Variants in CROCC observed in about 807,000 individuals in gnomAD.
CROCC encodes rootletin.
A neutral mutation model predicts 245.2 loss-of-function variants in CROCC; 180 were observed. The ratio of observed to expected loss-of-function variants is 0.73; its 90% CI spans 0.65 to 0.83. CROCC has a LOEUF of 0.83. Among genes scored for constraint, CROCC ranks in the 40% least tolerant of loss-of-function variants. The pLI is 0.00. For missense variants in CROCC, 2,688 were observed against 2,779.4 expected, an observed-to-expected ratio of 0.97 and a Z score of 0.74; for synonymous variants, 1,205 against 1,241.6, an observed-to-expected ratio of 0.97 and a Z score of 0.62.
At chr1:16,921,273 G>T (rs1338605431), upstream of CROCC, among the ~76,000 whole-genome samples, 1 of 152,304 alleles carries the variant, frequency 6.6e-6, no homozygotes, top group Non-Finnish European at 1.5e-5. Flanking sequence ...TGGGGGCTGG[G>T]GTGGGTGTGA....
At position 16,969,277 on chromosome 1, in the gene CROCC, G is replaced by T. The variant is rs201557362; in HGVS notation, c.5238G>T (p.Arg1746=). The change falls in exon 32 of 37, where the codon CGG becomes CGT. Residue 1746 remains arginine (R), a synonymous_variant. Transcript: ENST00000375541. Reference sequence around the variant, plus strand: ...GCAGTGCCAGCCTCAACAGCACCCGGGACAAGAACCTGCATCTGCAGAAGG... The same window carrying T: ...GCAGTGCCAGCCTCAACAGCACCCGTGACAAGAACCTGCATCTGCAGAAGG... ...AQSSASLNST[R]DKNLHLQKAL... The T allele has an allele frequency of 9.9e-6, 16 of 1,613,248 alleles. No individual in the cohort carries two copies. In the East Asian group the frequency reaches 3.6e-4, roughly 36 times the overall value.
At chr1:16,917,128 C>T (rs2100288057), upstream of CROCC, among the ~76,000 whole-genome samples, 2 of 152,288 alleles carry the variant, frequency 1.3e-5, no homozygotes, top group South Asian at 4.2e-4. Context: ...AAAAACAAAA[C>T]AAAACAAAAA....
intron 8 of CROCC, among the ~76,000 whole-genome samples, chr1:16,932,821 C>T (rs577633561): frequency 1.5e-3 from 232 of 152,338 alleles, no homozygotes; most frequent in Middle Eastern, 6.8e-3. Flanking sequence ...AGGCAGGAGG[C>T]CAAGGTATTT....
Position 16,966,505 on chromosome 1 carries a change from G to GCTGGACCAGGTGGCCACA in CROCC, c.4800_4817dup (p.Asp1600_Leu1605dup), listed in dbSNP as rs778869733. On this transcript the variant is annotated inframe_insertion, in exon 30 of 37. Coordinates refer to ENST00000375541, the MANE Select transcript of CROCC (RefSeq NM_014675.5). The surrounding 1 kb of genome is among the most constrained non-coding windows in gnomAD (Gnocchi z 4.8). ...GCAGTGAGCGGGAGCGCCGGGCCACGCTGGACCAGGTGGCCACACTGGAGA... is the reference window on the plus strand; with the variant it reads ...GCAGTGAGCGGGAGCGCCGGGCCACGCTGGACCAGGTGGCCACACTGGACCAGGTGGCCACACTGGAGA... The GCTGGACCAGGTGGCCACA allele has an allele frequency of 2.6e-6, 4 of 1,529,690 alleles. No homozygotes were observed. The highest frequency in any genetic ancestry group is 2.5e-5 in the East Asian group (1 of 40,670). 94.8% of individuals were successfully genotyped at this position (1,529,690 alleles called of 1,614,324 possible).
chr1:16,927,866 C>T (rs1210752714), intron 3 of CROCC, among the ~76,000 whole-genome samples: 3 of 152,290 alleles, frequency 2.0e-5, no homozygotes, highest in Non-Finnish European at 2.9e-5. Context: ...GGACTGTGTT[C>T]CTCCAGACTC....
At chr1:16,916,331 G>A (rs752127223) in intron 1 of CROCC, among the ~76,000 whole-genome samples, 19 of 152,292 alleles carry the variant, frequency 1.2e-4, no homozygotes, top group Non-Finnish European at 2.1e-4. Flanking sequence ...TTGGGTAGGG[G>A]AGGGGTATGA....
chr1:16,948,261 G>T, intron 17 of CROCC, 70 bp from the exon 18 acceptor site: 1 of 1,468,564 alleles, frequency 6.8e-7, no homozygotes. Flanking sequence ...TAGGCCCAGA[G>T]TTGGGGTGCT....
In CROCC at chr1:16,965,884, A is replaced by G. The variant is rs756515768; in HGVS notation, c.4567A>G (p.Arg1523Gly). The G allele has an allele frequency of 6.2e-7, 1 of 1,613,358 alleles. No homozygotes were observed. The highest frequency in any genetic ancestry group is 8.5e-7 in the Non-Finnish European group (1 of 1,179,882). Residue 1523 changes from arginine to glycine, a missense_variant, in exon 28 of 37, where the codon AGA becomes GGA. Physicochemically the swap from Arg to Gly is moderately radical, Grantham distance 125 (BLOSUM62 -2). Coordinates refer to ENST00000375541, the MANE Select transcript of CROCC (RefSeq NM_014675.5). Reference protein sequence around the residue: ...EFLQELRSAQRERDELRTQTS... With the variant: ...EFLQELRSAQGERDELRTQTS... ...CCTGCAAGAGCTGCGGAGTGCCCAG[A>G]GAGAACGGGTAAGCCTGGGTGTGCA...
chr1:16,968,529 C>T (rs1378615638), intron 31 of CROCC, 111 bp downstream of exon 31: 22 of 1,100,464 alleles, frequency 2.0e-5, no homozygotes, highest in Non-Finnish European at 2.4e-5. Context: ...TACCCACATC[C>T]CCATTTCACA....
Position 16,954,903 on chromosome 1 carries a change from G to A in CROCC, c.3465+26G>A. On this transcript the variant is annotated intron_variant, in intron 23 of 36. Transcript: ENST00000375541. This position sits in a 1 kb window ranked among gnomAD's most constrained non-coding sequence, Gnocchi z 4.4. ...GTGAGCAGCCGCCCCCCTCTTCCAA[G>A]CAGCATACCCTAAATGGCACTGTGT... is the stretch of plus-strand genomic sequence containing the variant. The A allele has an allele frequency of 6.6e-7, 1 of 1,507,190 alleles. No individual in the cohort carries two copies. The allele number at this position is 1,507,190 out of a possible 1,614,324, so 93.4% of individuals were successfully genotyped here.
At chr1:16,969,457 TGA>T (rs1252301670) in intron 32 of CROCC, 117 bp downstream of exon 32, 6 of 1,060,844 alleles carry the variant, frequency 5.7e-6, no homozygotes, top group African/African-American at 1.6e-5. Flanking sequence ...TTGGAGCCAA[TGA>T]GAGCAGGCTT....
intron 14 of CROCC, 118 bp downstream of exon 14, chr1:16,944,400 C>G (rs1570650869): frequency 2.6e-6 from 3 of 1,161,346 alleles, no homozygotes; most frequent in Non-Finnish European, 2.3e-6. Flanking sequence ...CGTCTGGACC[C>G]CTCCGATGTC....
chr1:16,922,541 C>A, intron 1 of CROCC, 122 bp from the exon 2 acceptor site: 1 of 1,379,492 alleles, frequency 7.2e-7, no homozygotes, highest in South Asian at 1.5e-5. Context: ...CCAGGCTTCA[C>A]TCCATCTTGA....
At position 16,955,976 on chromosome 1, in the gene CROCC, C is replaced by A; in HGVS notation, c.3705-21C>A. ...ACTACTCCCAGGACCCAGGGCAGCC[C>A]CTGACCTCTGCCCTCTCCAGCCTGA... On this transcript the variant is annotated intron_variant, in intron 24 of 36. Transcript: ENST00000375541. 3.9e-6 allele frequency: 6 copies of A among 1,549,162 alleles called. No individual in the cohort carries two copies. The East Asian group carries it at 9.8e-5, about 25-fold the overall frequency.
intron 8 of CROCC, among the ~76,000 whole-genome samples, chr1:16,932,490 T>C (rs1267550276): frequency 1.3e-5 from 2 of 152,164 alleles, no homozygotes; most frequent in African/African-American, 2.4e-5. Context: ...GTCAGTGATA[T>C]GTACGTGGAA....
In CROCC at chr1:16,939,279, C is replaced by G. The variant is rs1223217658; in HGVS notation, c.1608+137C>G. The stretch of plus-strand genomic sequence containing the variant: ...GAGTCTGAGCGCCCTGGGGTGCAGC[C>G]AGAGCCCTGAGAAATAGTTTCTGAG... On this transcript the variant is annotated intron_variant, in intron 12 of 36. Transcript: ENST00000375541. 19 of 802,804 alleles carry G rather than the reference C, an allele frequency of 2.4e-5. No individual in the cohort carries two copies. The East Asian group carries it at 6.2e-4, about 26-fold the overall frequency. 49.7% of individuals were successfully genotyped at this position (802,804 alleles called of 1,614,324 possible).
rs1440399526 is a variant in CROCC, at chr1:16,914,229, G to T, written n.126-16057G>T. On this transcript the variant is annotated intron_variant and non_coding_transcript_variant, in intron 1 of 8. Transcript: ENST00000466256. ...GCGCCTGGGGGCGGGCTGGAGCCAC[G>T]TACCGGGGCTGGGGGCGCTGTGTGT... 3.3e-5 allele frequency among the ~76,000 whole-genome samples: 5 copies of T among 152,176 alleles called. No individual in the cohort carries two copies. The East Asian group carries it at 7.7e-4, about 23-fold the overall frequency.
chr1:16,948,609 C>T, intron 18 of CROCC, 85 bp downstream of exon 18: 3 of 1,476,048 alleles, frequency 2.0e-6, no homozygotes, highest in Non-Finnish European at 2.7e-6. Context: ...CACGGGCCCC[C>T]AGGGGCAGTT....
chr1:16,965,816 C>T lies in CROCC; in HGVS notation c.4499C>T (p.Pro1500Leu), dbSNP rs748575001. The change falls in exon 28 of 37, where the codon CCA becomes CTA. Residue 1500 changes from proline (P) to leucine (L), a missense_variant. Physicochemically the swap from Pro to Leu is moderately conservative, Grantham distance 98 (BLOSUM62 -3). Coordinates refer to ENST00000375541, the MANE Select transcript of CROCC (RefSeq NM_014675.5). Reference sequence around the variant, plus strand: ...GGACCTGCCACCTCCCCAGCCTCTCCAGACCTGGACCCGGAGGCAGTGCGC... The same window carrying T: ...GGACCTGCCACCTCCCCAGCCTCTCTAGACCTGGACCCGGAGGCAGTGCGC... ...SPGPATSPAS[P>L]DLDPEAVRGA... 1.9e-6 allele frequency: 3 copies of T among 1,613,710 alleles called. No homozygotes were observed. The highest frequency in any genetic ancestry group is 2.5e-6 in the Non-Finnish European group (3 of 1,180,054).
Sources: allele counts gnomAD v4.1 joint callset (sites outside exome capture counted in the v4.1 genomes callset), GRCh38; gene constraint gnomAD v4.1.1; non-coding constraint Gnocchi (gnomAD v3.1); transcripts MANE v1.5; gene names NCBI Gene and HGNC (gene_info 2026-07-23, HGNC 2026-07-21).